The following MAML2 variants were observed in gnomAD, a reference collection of about 807,000 sequenced individuals.
MAML2 encodes mastermind like transcriptional coactivator 2.
A neutral mutation model predicts 96.1 loss-of-function variants in MAML2; 22 were observed. That is an observed-to-expected ratio of 0.23 (90% confidence interval 0.16 to 0.33). The LOEUF (loss-of-function observed/expected upper bound fraction) is 0.33. Among genes scored for constraint, MAML2 ranks in the 10% least tolerant of loss-of-function variants. The pLI is 1.00. For missense variants in MAML2, 1,367 were observed against 1,392.4 expected, an observed-to-expected ratio of 0.98 and a Z score of 0.29; for synonymous variants, 561 against 521.3, an observed-to-expected ratio of 1.08 and a Z score of -1.04.
chr11:96,002,809 T>C (rs1380245710), intron 2 of MAML2, among the ~76,000 whole-genome samples: 41 of 135,850 alleles, frequency 3.0e-4, no homozygotes, highest in African/African-American at 1.1e-3. Flanking sequence ...ATGAAGATGA[T>C]GATGGGGATG....
intron 1 of MAML2, among the ~76,000 whole-genome samples, chr11:96,224,333 T>G (rs1862182279): frequency 6.6e-6 from 1 of 152,230 alleles, no homozygotes; most frequent in Admixed American, 6.5e-5. Context: ...GCCCAAGGTG[T>G]GCCTTGTTAC....
chr11:96,105,331 T>C (rs11822373), intron 1 of MAML2, among the ~76,000 whole-genome samples: 1,790 of 152,326 alleles, frequency 0.012, 42 homozygotes, highest in African/African-American at 0.041. Flanking sequence ...GTCTGGAGAT[T>C]ACATCTCCAC....
At chr11:96,313,794 C>G (rs963266788) in intron 1 of MAML2, among the ~76,000 whole-genome samples, 4 of 152,224 alleles carry the variant, frequency 2.6e-5, no homozygotes, top group Admixed American at 2.6e-4. Context: ...CAAATATACC[C>G]ATCCTCATGA....
chr11:96,324,771 T>C (rs1002980363), intron 1 of MAML2, among the ~76,000 whole-genome samples: 1 of 152,168 alleles, frequency 6.6e-6, no homozygotes, highest in African/African-American at 2.4e-5. Context: ...ATCTAATATA[T>C]TCATTCTGAA....
intron 1 of MAML2, among the ~76,000 whole-genome samples, chr11:96,285,512 G>C (rs1417928840): frequency 6.6e-6 from 1 of 152,100 alleles, no homozygotes; most frequent in East Asian, 1.9e-4. Flanking sequence ...TGCAGCAAAA[G>C]AAACTATCAT....
chr11:96,340,412 A>G lies in MAML2; in HGVS notation c.513+971T>C, dbSNP rs111342696. 3.2e-3 allele frequency among the ~76,000 whole-genome samples: 481 copies of G among 152,312 alleles called. 3 individuals are homozygous for G. The highest frequency in any genetic ancestry group is 0.011 in the African/African-American group (442 of 41,580). ...ACAGGGCAGGGTTCTACCTTCCACC[A>G]GAGGCCACTGGTCCAGCAGCTTTGG... is the stretch of plus-strand genomic sequence containing the variant. On this transcript the variant is annotated intron_variant, in intron 1 of 4. Transcript: ENST00000524717.
intron 1 of MAML2, among the ~76,000 whole-genome samples, chr11:96,130,884 C>CA (rs1478045127): frequency 6.6e-6 from 1 of 151,332 alleles, no homozygotes; most frequent in African/African-American, 2.4e-5. Context: ...TAGGACCATC[C>CA]AAAAAAACCT....
At chr11:96,013,228 G>A (rs76074554) in intron 2 of MAML2, among the ~76,000 whole-genome samples, 1,743 of 152,288 alleles carry the variant, frequency 0.011, 22 homozygotes, top group South Asian at 0.05. Flanking sequence ...AATAACAAAT[G>A]TCACATTTAA....
intron 1 of MAML2, among the ~76,000 whole-genome samples, chr11:96,249,175 T>C (rs1862550392): frequency 6.6e-6 from 1 of 152,206 alleles, no homozygotes; most frequent in Non-Finnish European, 1.5e-5. Context: ...CTTAAGTTCT[T>C]TCTTCACTAG....
intron 1 of MAML2, among the ~76,000 whole-genome samples, chr11:96,326,089 A>ACCCCCCCCCCCCCCC (rs1555040453): frequency 1.1e-5 from 1 of 88,228 alleles, no homozygotes; most frequent in Non-Finnish European, 2.1e-5. Context: ...CTCTCTGTCT[A>ACCCCCCCCCCCCCCC]CCCCGCCCCC....
intron 1 of MAML2, among the ~76,000 whole-genome samples, chr11:96,227,153 C>A (rs747275046): frequency 2.6e-5 from 4 of 152,212 alleles, no homozygotes; most frequent in Non-Finnish European, 5.9e-5. Flanking sequence ...TCCTTCAGAT[C>A]TGAAAGCATG....
chr11:96,051,066 G>A (rs1858982634), intron 2 of MAML2, among the ~76,000 whole-genome samples: 1 of 144,836 alleles, frequency 6.9e-6, no homozygotes, highest in South Asian at 2.3e-4. Context: ...CATTTCCTTT[G>A]GATAATCTGT....
intron 1 of MAML2, among the ~76,000 whole-genome samples, chr11:96,235,923 C>T (rs995562386): frequency 6.6e-6 from 1 of 152,164 alleles, no homozygotes; most frequent in Non-Finnish European, 1.5e-5. Context: ...TTAGACAAGG[C>T]AGCACATCTG....
At chr11:96,078,720 T>A (rs940858858) in intron 2 of MAML2, among the ~76,000 whole-genome samples, 13 of 152,252 alleles carry the variant, frequency 8.5e-5, no homozygotes, top group Non-Finnish European at 1.8e-4. Flanking sequence ...ATCAGAGGGC[T>A]TCAGCTGTGC....
intron 1 of MAML2, among the ~76,000 whole-genome samples, chr11:96,195,207 A>G (rs1404494447): frequency 1.3e-5 from 2 of 152,244 alleles, no homozygotes; most frequent in Non-Finnish European, 2.9e-5. Context: ...AAGAAAAGAA[A>G]AGAAAAGAAA....
intron 1 of MAML2, among the ~76,000 whole-genome samples, chr11:96,274,356 A>G (rs370049106): frequency 3.3e-5 from 5 of 152,002 alleles, no homozygotes; most frequent in South Asian, 2.1e-4. Context: ...TACTGGGAAT[A>G]CAGGCGTGAG....
intron 1 of MAML2, among the ~76,000 whole-genome samples, chr11:96,181,262 C>G (rs567739746): frequency 6.6e-6 from 1 of 152,264 alleles, no homozygotes; most frequent in African/African-American, 2.4e-5. Flanking sequence ...AGAAGGCAGA[C>G]ACACCTCCAG....
rs1862082638 is a variant in MAML2 at position 96,218,463 on chromosome 11, G to A, written c.513+122920C>T. On this transcript the variant is annotated intron_variant, in intron 1 of 4. Coordinates refer to ENST00000524717, the MANE Select transcript of MAML2 (RefSeq NM_032427.4). ...TTGATGCAGAGCAAGTGACTTACTT[G>A]GGTCAACTGACTACTATTTTAAGGC... is the stretch of plus-strand genomic sequence containing the variant. Among the ~76,000 whole-genome samples, 3 of 151,998 alleles carry A rather than the reference G, an allele frequency of 2.0e-5. No individual in the cohort carries two copies. The South Asian group carries it at 6.2e-4, about 31-fold the overall frequency.
intron 1 of MAML2, among the ~76,000 whole-genome samples, chr11:96,181,031 C>A (rs1861476553): frequency 6.6e-6 from 1 of 152,038 alleles, no homozygotes; most frequent in Non-Finnish European, 1.5e-5. Flanking sequence ...AGGACTTTCA[C>A]AAGGTAATGT....
Sources: allele counts gnomAD v4.1 joint callset (sites outside exome capture counted in the v4.1 genomes callset), GRCh38; gene constraint gnomAD v4.1.1; transcripts MANE v1.5; gene names NCBI Gene and HGNC (gene_info 2026-07-23, HGNC 2026-07-21).